The following ZBTB9 variants were observed in gnomAD, a reference collection of about 807,000 sequenced individuals.
The protein encoded by ZBTB9 is zinc finger and BTB domain-containing protein 9.
Under a neutral mutation model 26.3 loss-of-function variants are expected in ZBTB9, and 17 were observed. That is an observed-to-expected ratio of 0.65 (90% CI 0.44 to 0.97). The LOEUF (loss-of-function observed/expected upper bound fraction) is 0.97, where lower values mean the gene tolerates loss of function less well. Ranked by LOEUF, ZBTB9 falls within the 50% of genes least tolerant of loss-of-function variation. The pLI, the probability that ZBTB9 is intolerant of heterozygous loss-of-function variation, is 0.00. For synonymous variants in ZBTB9, 226 were observed against 234.3 expected (o/e 0.96, Z 0.32); for missense variants, 510 against 594.2 (o/e 0.86, Z 1.47).
intron 1 of ZBTB9, 116 bp from the exon 2 acceptor site, chr6:33,454,899 GCGGGACTGATTTGCA>G: frequency 1.5e-6 from 1 of 688,118 alleles, no homozygotes; most frequent in Non-Finnish European, 2.3e-6. Context: ...TTCTTGGTGT[GCGGGACTGATTTGCA>G]GAAACCGCCA....
rs1453570100 is a variant in ZBTB9, at chr6:33,455,497, C to T, written c.397C>T (p.Gln133Ter). 6.2e-7 allele frequency: 1 copy of T among 1,614,116 alleles called. No individual in the cohort carries two copies. The highest frequency in any genetic ancestry group is 8.5e-7 in the Non-Finnish European group (1 of 1,179,968). The change falls in exon 2 of 2, where the codon CAG becomes TAG. Residue 133 changes from glutamine (Q) to a stop codon, truncating the protein, a stop_gained. Coordinates refer to ENST00000395064, the MANE Select transcript of ZBTB9 (RefSeq NM_152735.4). LOFTEE classifies it high-confidence loss of function. Reference sequence around the variant, plus strand: ...CCTTCAAATGTGGCAGGTAGTAGATCAGTGCTCAGAAATTCTTAGAGAATT... The same window carrying T: ...CCTTCAAATGTGGCAGGTAGTAGATTAGTGCTCAGAAATTCTTAGAGAATT... ...SGLQMWQVVD[Q>*]CSEILRELET... is the part of the protein sequence containing the mutation.
rs1761474185 is a variant in ZBTB9 at position 33,455,781 on chromosome 6, G to A, written c.681G>A (p.Gly227=). 2 of 1,612,584 alleles carry A rather than the reference G, an allele frequency of 1.2e-6. No individual in the cohort carries two copies. Among genetic ancestry groups the A allele is most frequent in the Non-Finnish European group, 1.7e-6 (2 of 1,179,160 alleles). ...AAGATGATGATGATGAGGACCAGGG[G>A]TCAGCCACACTCTCTCAGACTCCTC... The part of the protein sequence containing the change: ...EEEDDDDEDQ[G]SATLSQTPQP... The change falls in exon 2 of 2, where the codon GGG becomes GGA. Residue 227 remains glycine (G), a synonymous_variant. Coordinates refer to ENST00000395064, the MANE Select transcript of ZBTB9 (RefSeq NM_152735.4).
rs1761464119 is a variant in ZBTB9, at chr6:33,455,446, C to T, written c.346C>T (p.Pro116Ser). ...TCTCCGCCTGCCACTGGATGCTCTT[C>T]CTGCTCATCTCCTTGTGGCCAGTGG... ...GRLRLPLDALPAHLLVASGLQ... is the reference protein window; with the variant it reads ...GRLRLPLDALSAHLLVASGLQ... The change falls in exon 2 of 2, where the codon CCT becomes TCT. Residue 116 changes from proline (P) to serine (S), a missense_variant. Transcript: ENST00000395064. 6.2e-7 allele frequency: 1 copy of T among 1,613,976 alleles called. No individual in the cohort carries two copies. The highest frequency in any genetic ancestry group is 1.1e-5 in the South Asian group (1 of 91,078).
At position 33,456,436 on chromosome 6, in the gene ZBTB9, C is replaced by T. The variant is rs1323327716; in HGVS notation, c.1336C>T (p.Arg446Trp). ...ALHACPHCGR[R>W]FRVHACFLRH... ...GCATGCCTGTCCCCACTGTGGCCGT[C>T]GGTTCCGAGTCCATGCCTGTTTTCT... The change falls in exon 2 of 2, where the codon CGG becomes TGG. Residue 446 changes from arginine to tryptophan, a missense_variant. Arg to Trp is a moderately radical substitution (Grantham distance 101). Transcript: ENST00000395064. The surrounding 1 kb of genome is among the most constrained non-coding windows in gnomAD (Gnocchi z 5.1). The T allele has an allele frequency of 2.5e-6, 4 of 1,614,068 alleles. No homozygotes were observed. Among genetic ancestry groups the T allele is most frequent in the African/African-American group, 1.3e-5 (1 of 74,940 alleles).
Position 33,455,803 on chromosome 6 carries a change from C to G in ZBTB9, c.703C>G (p.Pro235Ala). ...DQGSATLSQT[P>A]QPQRVSGVFP... ...GGGGTCAGCCACACTCTCTCAGACTCCTCAGCCCCAGAGAGTATCAGGGGT... is the reference window on the plus strand; with the variant it reads ...GGGGTCAGCCACACTCTCTCAGACTGCTCAGCCCCAGAGAGTATCAGGGGT... Residue 235 changes from proline (P) to alanine (A), a missense_variant, in exon 2 of 2, where the codon CCT becomes GCT. Pro to Ala is a conservative substitution (Grantham distance 27). Coordinates refer to ENST00000395064, the MANE Select transcript of ZBTB9 (RefSeq NM_152735.4). The G allele has an allele frequency of 5.0e-6, 8 of 1,611,430 alleles. No individual in the cohort carries two copies. The highest frequency in any genetic ancestry group is 6.8e-6 in the Non-Finnish European group (8 of 1,178,476).
In ZBTB9 at chr6:33,455,067, C is replaced by T. The variant is rs1486928392; in HGVS notation, c.-34C>T. ...GTGGAGTCTACCCCCAAGCCCTTCT[C>T]CTCTTCCCAATTCTTGTCACCTTCG... On this transcript the variant is annotated 5_prime_UTR_variant, in exon 2 of 2. Transcript: ENST00000395064. The T allele has an allele frequency of 1.3e-6, 2 of 1,556,352 alleles. No homozygotes were observed. The highest frequency in any genetic ancestry group is 1.7e-6 in the Non-Finnish European group (2 of 1,150,388).
Position 33,456,432 on chromosome 6 carries a change from C to T in ZBTB9, c.1332C>T (p.Gly444=), listed in dbSNP as rs1412305721. 1.2e-6 allele frequency: 2 copies of T among 1,614,188 alleles called. No homozygotes were observed. The change falls in exon 2 of 2, where the codon GGC becomes GGT. Residue 444 remains glycine (G), a synonymous_variant. Transcript: ENST00000395064. The surrounding 1 kb of genome is among the most constrained non-coding windows in gnomAD (Gnocchi z 5.1). The stretch of plus-strand genomic sequence containing the variant: ...CCCTGCATGCCTGTCCCCACTGTGG[C>T]CGTCGGTTCCGAGTCCATGCCTGTT... The part of the protein sequence containing the change: ...AGALHACPHC[G]RRFRVHACFL...
rs758689515 is a variant in ZBTB9 at position 33,456,221 on chromosome 6, G to C, written c.1121G>C (p.Gly374Ala). The change falls in exon 2 of 2, where the codon GGG (glycine) becomes GCG (alanine). Residue 374 changes from glycine to alanine, a missense_variant. By Grantham distance (60) the Gly-to-Ala change is moderately conservative. Coordinates refer to ENST00000395064, the MANE Select transcript of ZBTB9 (RefSeq NM_152735.4). This position sits in a 1 kb window ranked among gnomAD's most constrained non-coding sequence, Gnocchi z 5.1. ...GQAVHGPVKL[G>A]GTPPADGKRF... ...GCCGTGCATGGGCCTGTGAAGCTAG[G>C]GGGGACACCCCCTGCAGATGGAAAA... 1.9e-6 allele frequency: 3 copies of C among 1,612,482 alleles called. No individual in the cohort carries two copies. Among genetic ancestry groups the C allele is most frequent in the South Asian group, 2.2e-5 (2 of 90,946 alleles).
rs997034339 is a variant in ZBTB9, at chr6:33,456,840, A to G, written c.*318A>G. ...GTCCATTAAGGAAACCAGATTTTCA[A>G]TTATTTAGTGAGAGAAGAGTTAGAG... On this transcript the variant is annotated 3_prime_UTR_variant, in exon 2 of 2. Transcript: ENST00000395064. This position sits in a 1 kb window ranked among gnomAD's most constrained non-coding sequence, Gnocchi z 5.1. The G allele has an allele frequency of 6.5e-5, 22 of 336,564 alleles. No homozygotes were observed. The highest frequency in any genetic ancestry group is 1.1e-4 in the Non-Finnish European group (19 of 176,020). 20.8% of individuals were successfully genotyped at this position (336,564 alleles called of 1,614,324 possible).
chr6:33,454,963 G>T (rs1014953859), intron 1 of ZBTB9, 67 bp from the exon 2 acceptor site: 1 of 1,347,078 alleles, frequency 7.4e-7, no homozygotes, highest in African/African-American at 1.5e-5. Flanking sequence ...GTGGGGAGGG[G>T]GTTGTTTGAG....
Position 33,455,059 on chromosome 6 carries a change from GC to G in ZBTB9, c.-39del. Reference sequence around the variant, plus strand: ...CATCCCGCGTGGAGTCTACCCCCAAGCCCTTCTCCTCTTCCCAATTCTTGTC... The same window carrying G: ...CATCCCGCGTGGAGTCTACCCCCAAGCCTTCTCCTCTTCCCAATTCTTGTC... On this transcript the variant is annotated 5_prime_UTR_variant, in exon 2 of 2. Transcript: ENST00000395064. 2.6e-6 allele frequency: 4 copies of G among 1,546,242 alleles called. No homozygotes were observed. Among genetic ancestry groups the G allele is most frequent in the African/African-American group, 1.4e-5 (1 of 72,948 alleles).
chr6:33,455,752 G>A lies in ZBTB9; in HGVS notation c.652G>A (p.Glu218Lys). Reference protein sequence around the residue: ...QIQVEEEEEEEEDDDDEDQGS... With the variant: ...QIQVEEEEEEKEDDDDEDQGS... Reference sequence around the variant, plus strand: ...TCAGGTGGAAGAAGAAGAGGAGGAGGAGGAAGATGATGATGATGAGGACCA... The same window carrying A: ...TCAGGTGGAAGAAGAAGAGGAGGAGAAGGAAGATGATGATGATGAGGACCA... The change falls in exon 2 of 2, where the codon GAG becomes AAG. Residue 218 changes from glutamate to lysine, a missense_variant. Around this residue, in one of 2 missense-constraint regions of ZBTB9, gnomAD observed 439 missense variants for 460.4 expected, o/e 0.95. Coordinates refer to ENST00000395064, the MANE Select transcript of ZBTB9 (RefSeq NM_152735.4). 6 of 1,613,838 alleles carry A rather than the reference G, an allele frequency of 3.7e-6. No homozygotes were observed. The highest frequency in any genetic ancestry group is 4.2e-6 in the Non-Finnish European group (5 of 1,179,820).
Position 33,457,265 on chromosome 6 carries a change from C to G in ZBTB9, c.*743C>G, listed in dbSNP as rs1761501381. ...ATTGGTCACAATGACTGGAATGTGA[C>G]TAGTGATCTCAGGAGATGGCACTGT... is the stretch of plus-strand genomic sequence containing the variant. On this transcript the variant is annotated 3_prime_UTR_variant, in exon 2 of 2. Coordinates refer to ENST00000395064, the MANE Select transcript of ZBTB9 (RefSeq NM_152735.4). The G allele has an allele frequency of 6.0e-6, 1 of 167,116 alleles. No individual in the cohort carries two copies. Among genetic ancestry groups the G allele is most frequent in the South Asian group, 2.1e-4 (1 of 4,828 alleles). 10.4% of individuals were successfully genotyped at this position (167,116 alleles called of 1,614,324 possible).
Position 33,456,620 on chromosome 6 carries a change from A to T in ZBTB9, c.*98A>T. On this transcript the variant is annotated 3_prime_UTR_variant, in exon 2 of 2. Coordinates refer to ENST00000395064, the MANE Select transcript of ZBTB9 (RefSeq NM_152735.4). This position sits in a 1 kb window ranked among gnomAD's most constrained non-coding sequence, Gnocchi z 5.1. ...ATGGCACACCAGTCATGGATCTTGTAATCATGCCAAGAGAATAGATACATT... is the reference window on the plus strand; with the variant it reads ...ATGGCACACCAGTCATGGATCTTGTTATCATGCCAAGAGAATAGATACATT... 1 of 1,509,406 alleles carries T rather than the reference A, an allele frequency of 6.6e-7. No individual in the cohort carries two copies. Among genetic ancestry groups the T allele is most frequent in the Non-Finnish European group, 8.9e-7 (1 of 1,128,578 alleles). The allele number at this position is 1,509,406 out of a possible 1,614,324, so 93.5% of individuals were successfully genotyped here.
rs775340704 is a variant in ZBTB9 at position 33,455,355 on chromosome 6, C to T, written c.255C>T (p.Leu85=). Reference sequence around the variant, plus strand: ...TGCTTCTGGGGGATGCGCCTCGTCTCACTCTACCGAGTGTCATTGAAGCCG... The same window carrying T: ...TGCTTCTGGGGGATGCGCCTCGTCTTACTCTACCGAGTGTCATTGAAGCCG... ...DKLLLGDAPR[L]TLPSVIEADA... is the part of the protein sequence containing the mutation. Residue 85 remains leucine (L), a synonymous_variant, in exon 2 of 2, where the codon CTC becomes CTT. Transcript: ENST00000395064. 6.2e-7 allele frequency: 1 copy of T among 1,614,204 alleles called. No homozygotes were observed. Among genetic ancestry groups the T allele is most frequent in the African/African-American group, 1.3e-5 (1 of 75,062 alleles).
chr6:33,454,841 CCT>C, intron 1 of ZBTB9, 66 bp downstream of exon 1: 1 of 521,666 alleles, frequency 1.9e-6, no homozygotes. Flanking sequence ...AGTTAAAACC[CCT>C]GTTGGTGTTT....
chr6:33,455,942 A>T lies in ZBTB9; in HGVS notation c.842A>T (p.Lys281Ile), dbSNP rs527730066. ...ELPAPPALPP[K>I]IFYIKQEPFE... The stretch of plus-strand genomic sequence containing the variant: ...CCTGCCCCTCCTGCACTGCCCCCCA[A>T]AATCTTCTACATTAAGCAGGAACCC... The change falls in exon 2 of 2, where the codon AAA becomes ATA. Residue 281 changes from lysine to isoleucine, a missense_variant. This residue lies in a region of ZBTB9 where 439 missense variants were observed against 460.4 expected (regional missense o/e 0.95). Coordinates refer to ENST00000395064, the MANE Select transcript of ZBTB9 (RefSeq NM_152735.4). 1 of 1,612,124 alleles carries T rather than the reference A, an allele frequency of 6.2e-7. No individual in the cohort carries two copies. The highest frequency in any genetic ancestry group is 8.5e-7 in the Non-Finnish European group (1 of 1,179,048).
Position 33,456,100 on chromosome 6 carries a change from C to G in ZBTB9, c.1000C>G (p.Pro334Ala). The change falls in exon 2 of 2, where the codon CCA becomes GCA. Residue 334 changes from proline (P) to alanine (A), a missense_variant. Around this residue, in one of 2 missense-constraint regions of ZBTB9, gnomAD observed 439 missense variants for 460.4 expected, o/e 0.95. Coordinates refer to ENST00000395064, the MANE Select transcript of ZBTB9 (RefSeq NM_152735.4). The surrounding 1 kb of genome is among the most constrained non-coding windows in gnomAD (Gnocchi z 5.1). ...LGFLLPSGPG[P>A]TSGGGGPSWK... is the part of the protein sequence containing the mutation. ...GTTCTTGTTGCCTTCAGGGCCAGGG[C>G]CAACATCTGGGGGAGGGGGTCCATC... is the stretch of plus-strand genomic sequence containing the variant. 4 of 1,613,704 alleles carry G rather than the reference C, an allele frequency of 2.5e-6. No homozygotes were observed. In the South Asian group the frequency reaches 4.4e-5, roughly 18 times the overall value.
chr6:33,455,793 C>G lies in ZBTB9; in HGVS notation c.693C>G (p.Leu231=). ...ATGAGGACCAGGGGTCAGCCACACT[C>G]TCTCAGACTCCTCAGCCCCAGAGAG... ...DDDEDQGSAT[L]SQTPQPQRVS... The change falls in exon 2 of 2, where the codon CTC becomes CTG. Residue 231 remains leucine, a synonymous_variant. Transcript: ENST00000395064. The G allele has an allele frequency of 1.2e-6, 2 of 1,611,688 alleles. No individual in the cohort carries two copies. The highest frequency in any genetic ancestry group is 1.1e-5 in the South Asian group (1 of 90,658).
Sources: allele counts gnomAD v4.1 joint callset, GRCh38; gene constraint gnomAD v4.1.1; regional missense constraint gnomAD v4.1.1; non-coding constraint Gnocchi (gnomAD v3.1); transcripts MANE v1.5; gene names NCBI Gene and HGNC (gene_info 2026-07-23, HGNC 2026-07-21).